SLC14A2: variants seen among roughly 807,000 people sequenced by gnomAD.
SLC14A2 encodes urea transporter 2.
A neutral mutation model predicts 104.6 loss-of-function variants in SLC14A2; 91 were observed. The observed-to-expected ratio is 0.87, with a 90% CI of 0.73 to 1.04. The LOEUF (loss-of-function observed/expected upper bound fraction) is 1.04. SLC14A2 is among the 50% of genes least tolerant of loss of function. SLC14A2 has a pLI of 0.00. For missense variants in SLC14A2, 1,189 were observed against 1,156.0 expected (o/e 1.03, Z -0.41); for synonymous variants, 476 against 466.4 (o/e 1.02, Z -0.27).
At chr18:45,661,741 C>G (rs778984671) in intron 10 of SLC14A2, among the ~76,000 whole-genome samples, 2 of 152,212 alleles carry the variant, frequency 1.3e-5, no homozygotes, top group Non-Finnish European at 2.9e-5. Context: ...GGCAGACATG[C>G]TCTGGGGAAT....
intron 1 of SLC14A2, among the ~76,000 whole-genome samples, chr18:45,240,643 T>G (rs1212235155): frequency 6.6e-6 from 1 of 150,618 alleles, no homozygotes; most frequent in African/African-American, 2.5e-5. Context: ...TTTTTTTTGT[T>G]TTTTTTGTTT....
intron 2 of SLC14A2, among the ~76,000 whole-genome samples, chr18:45,485,543 A>C (rs2087586164): frequency 6.6e-6 from 1 of 152,094 alleles, no homozygotes; most frequent in South Asian, 2.1e-4. Context: ...AAGGAATGTG[A>C]GTGGGGCCCC....
intron 4 of SLC14A2, among the ~76,000 whole-genome samples, chr18:45,628,675 G>A (rs1257571774): frequency 6.6e-6 from 1 of 152,120 alleles, no homozygotes; most frequent in East Asian, 1.9e-4. Context: ...ATTGTCAGCA[G>A]CATTTTTTAA....
At chr18:45,220,032 G>A (rs2084046887) in intron 1 of SLC14A2, among the ~76,000 whole-genome samples, 1 of 152,164 alleles carries the variant, frequency 6.6e-6, no homozygotes, top group East Asian at 1.9e-4. Context: ...AGGTGACCAT[G>A]CTACTTTGTT....
intron 1 of SLC14A2, among the ~76,000 whole-genome samples, chr18:45,320,677 C>T (rs2085176226): frequency 6.6e-6 from 1 of 152,112 alleles, no homozygotes; most frequent in Non-Finnish European, 1.5e-5. Context: ...GTTAAGGACC[C>T]AAATCAAGTA....
intron 1 of SLC14A2, among the ~76,000 whole-genome samples, chr18:45,384,477 G>A (rs2085872671): frequency 6.6e-6 from 1 of 152,156 alleles, no homozygotes; most frequent in African/African-American, 2.4e-5. Flanking sequence ...CACCTCATAA[G>A]GGAAATATTT....
At chr18:45,320,103 T>A (rs915006564) in intron 1 of SLC14A2, among the ~76,000 whole-genome samples, 4 of 152,196 alleles carry the variant, frequency 2.6e-5, no homozygotes, top group African/African-American at 9.6e-5. Flanking sequence ...CCAGTTTGTT[T>A]AATAATTGTT....
At chr18:45,469,262 A>G (rs2087200892) in intron 1 of SLC14A2, among the ~76,000 whole-genome samples, 1 of 152,220 alleles carries the variant, frequency 6.6e-6, no homozygotes, top group South Asian at 2.1e-4. Context: ...CATCATGTCC[A>G]GGCTCCGAAA....
intron 2 of SLC14A2, among the ~76,000 whole-genome samples, chr18:45,581,911 T>G (rs1329448359): frequency 6.6e-6 from 1 of 152,188 alleles, no homozygotes; most frequent in Non-Finnish European, 1.5e-5. Flanking sequence ...GCCTGGTGAA[T>G]AAGCTCTCTG....
intron 1 of SLC14A2, among the ~76,000 whole-genome samples, chr18:45,469,516 G>T (rs72912647): frequency 5.9e-5 from 9 of 152,266 alleles, no homozygotes; most frequent in Non-Finnish European, 1.0e-4. Flanking sequence ...GCAGGCCTTT[G>T]TACCTAATTA....
At chr18:45,516,655 C>T (rs2043445888) in intron 2 of SLC14A2, among the ~76,000 whole-genome samples, 1 of 152,178 alleles carries the variant, frequency 6.6e-6, no homozygotes, top group African/African-American at 2.4e-5. Context: ...AAATTAGAAA[C>T]CCACTGGCCT....
At chr18:45,534,151 T>C (rs1433864533) in intron 2 of SLC14A2, among the ~76,000 whole-genome samples, 1 of 152,046 alleles carries the variant, frequency 6.6e-6, no homozygotes, top group Non-Finnish European at 1.5e-5. Context: ...AAAGCTGCAA[T>C]TTTGGACGTG....
rs969348842 is a variant in SLC14A2, at chr18:45,640,448, G to A, written c.991+555G>A. On this transcript the variant is annotated intron_variant, in intron 7 of 19. Transcript: ENST00000255226. ...CCCAGCACTCTGAAATTTTTGGTAAGATACAAAGAAAATTGTTCTCAAACA... is the reference window on the plus strand; with the variant it reads ...CCCAGCACTCTGAAATTTTTGGTAAAATACAAAGAAAATTGTTCTCAAACA... Among the ~76,000 whole-genome samples the A allele has an allele frequency of 3.3e-5, 5 of 152,220 alleles. 1 individual carries two copies. Among genetic ancestry groups the A allele is most frequent in the Admixed American group, 6.5e-5 (1 of 15,286 alleles).
intron 1 of SLC14A2, among the ~76,000 whole-genome samples, chr18:45,422,659 GAGAC>G (rs1348460233): frequency 6.6e-6 from 1 of 152,172 alleles, no homozygotes; most frequent in Non-Finnish European, 1.5e-5. Flanking sequence ...ATCCTACAGA[GAGAC>G]AGAAGGCCAA....
intron 2 of SLC14A2, among the ~76,000 whole-genome samples, chr18:45,593,882 A>T (rs534270947): frequency 5.8e-4 from 89 of 152,332 alleles, no homozygotes; most frequent in Middle Eastern, 3.4e-3. Flanking sequence ...TAAGTAAAAA[A>T]TATACAATAC....
chr18:45,639,885 T>G lies in SLC14A2; in HGVS notation c.983T>G (p.Leu328Arg), dbSNP rs773009002. ...GCAGCCATTGGCTCAATCGTGGGGC[T>G]GCTAGCAGGTAGGACAGAGCTCCCT... The part of the protein sequence containing the change: ...LHAAIGSIVG[L>R]LAALSVATPF... The change falls in exon 7 of 20, where the codon CTG (leucine) becomes CGG (arginine). Residue 328 changes from leucine (L) to arginine (R), a missense_variant. Transcript: ENST00000255226. 1.2e-6 allele frequency: 2 copies of G among 1,613,286 alleles called. No homozygotes were observed. The highest frequency in any genetic ancestry group is 1.7e-6 in the Non-Finnish European group (2 of 1,179,870).
intron 10 of SLC14A2, among the ~76,000 whole-genome samples, chr18:45,662,606 G>A (rs1418518684): frequency 6.6e-6 from 1 of 152,156 alleles, no homozygotes; most frequent in African/African-American, 2.4e-5. Context: ...GCTGAGTCAT[G>A]TGACTCACCA....
intron 1 of SLC14A2, among the ~76,000 whole-genome samples, chr18:45,618,031 T>G (rs2045101507): frequency 1.3e-5 from 2 of 152,290 alleles, no homozygotes; most frequent in South Asian, 4.1e-4. Flanking sequence ...TGGACAGAAC[T>G]GGAAACAGCA....
intron 10 of SLC14A2, among the ~76,000 whole-genome samples, chr18:45,661,099 G>A (rs781541687): frequency 5.9e-5 from 9 of 152,150 alleles, no homozygotes; most frequent in Non-Finnish European, 1.2e-4. Flanking sequence ...CAGAATCTGG[G>A]CTGCTAACTG....
Sources: gnomAD v4.1 joint callset for allele counts (sites outside exome capture counted in the v4.1 genomes callset) on GRCh38, gnomAD v4.1.1 for gene constraint, MANE v1.5 for transcripts, NCBI Gene and HGNC (gene_info 2026-07-23, HGNC 2026-07-21) for gene names.